The following TBC1D16 variants were observed in gnomAD, a reference collection of about 807,000 sequenced individuals.
TBC1D16 encodes the protein CTD-2529O21.1.
TBC1D16 carries 58 observed loss-of-function variants against 74.7 expected under a neutral mutation model. The ratio of observed to expected loss-of-function variants is 0.78; its 90% CI spans 0.63 to 0.97. TBC1D16 has a LOEUF of 0.97. TBC1D16 is among the 50% of genes least tolerant of loss of function. TBC1D16 has a pLI of 0.00. For missense variants in TBC1D16, 1,014 were observed against 1,079.5 expected (o/e 0.94, Z 0.85); for synonymous variants, 493 against 474.7 (o/e 1.04, Z -0.50).
rs1393809173 is a variant in TBC1D16 at position 79,937,508 on chromosome 17, TC to T, written c.*3350del. ...TGGAAACCTCCCCCTGCCTGGCACT[TC>T]GGCTGGTCAGGAACAGTGGCTGCTC... is the stretch of plus-strand genomic sequence containing the variant. On this transcript the variant is annotated 3_prime_UTR_variant, in exon 12 of 12. Transcript: ENST00000310924. 2 of 152,300 alleles carry T rather than the reference TC, an allele frequency of 1.3e-5. No homozygotes were observed. Among genetic ancestry groups the T allele is most frequent in the African/African-American group, 2.4e-5 (1 of 41,464 alleles). 9.4% of individuals were successfully genotyped at this position (152,300 alleles called of 1,614,324 possible). A position where few individuals can be genotyped will look rare whatever the true frequency, so the allele number is the denominator to read the frequency against.
In TBC1D16 at chr17:79,986,882, C is replaced by T. The variant is rs1372954346; in HGVS notation, c.779+23278G>A. 6.6e-6 allele frequency among the ~76,000 whole-genome samples: 1 copy of T among 152,252 alleles called. No individual in the cohort carries two copies. The highest frequency in any genetic ancestry group is 1.5e-5 in the Non-Finnish European group (1 of 68,044). On this transcript the variant is annotated intron_variant, in intron 3 of 11. Transcript: ENST00000310924. The surrounding 1 kb of genome is among the most constrained non-coding windows in gnomAD (Gnocchi z 6.0). ...GGGAGGGCGTGATGCATGGGAGGAG[C>T]TGGACTGCGGTCAGCCGTCCCCTCG...
At chr17:79,996,877 G>A (rs1183229862) in intron 3 of TBC1D16, among the ~76,000 whole-genome samples, 6 of 152,092 alleles carry the variant, frequency 3.9e-5, no homozygotes, top group African/African-American at 7.2e-5. Flanking sequence ...ATTCACAGTC[G>A]CCCCTGAATG....
rs1380810093 is a variant in TBC1D16 at position 79,987,972 on chromosome 17, T to A, written c.779+22188A>T. On this transcript the variant is annotated intron_variant, in intron 3 of 11. Transcript: ENST00000310924. This position sits in a 1 kb window ranked among gnomAD's most constrained non-coding sequence, Gnocchi z 5.2. Reference sequence around the variant, plus strand: ...GAGATTTCGAGGGAAGAATCCTAAATGTGGGGAAATGAGGTTGCCCAGCAA... The same window carrying A: ...GAGATTTCGAGGGAAGAATCCTAAAAGTGGGGAAATGAGGTTGCCCAGCAA... 6.6e-6 allele frequency among the ~76,000 whole-genome samples: 1 copy of A among 151,798 alleles called. No individual in the cohort carries two copies. Among genetic ancestry groups the A allele is most frequent in the African/African-American group, 2.4e-5 (1 of 41,280 alleles).
chr17:80,028,589 G>T (rs1225704134), intron 1 of TBC1D16, among the ~76,000 whole-genome samples: 3 of 151,114 alleles, frequency 2.0e-5, no homozygotes, highest in African/African-American at 7.3e-5. Context: ...CGTCAATGCT[G>T]ATTCTAAACC....
intron 3 of TBC1D16, among the ~76,000 whole-genome samples, chr17:79,978,760 G>T (rs971561676): frequency 2.0e-5 from 3 of 152,228 alleles, no homozygotes; most frequent in Admixed American, 6.5e-5. Flanking sequence ...AAGGGCTGGA[G>T]ACTCTGATGG....
In TBC1D16 at chr17:79,975,003, C is replaced by T. The variant is rs2034269933; in HGVS notation, c.780-22185G>A. On this transcript the variant is annotated intron_variant, in intron 3 of 11. Transcript: ENST00000310924. This position sits in a 1 kb window ranked among gnomAD's most constrained non-coding sequence, Gnocchi z 4.5. ...GTTGGGGCCACCCCCGCAGCCACTG[C>T]GCCCTCTATAGGTAAGAAGGCCCAA... Among the ~76,000 whole-genome samples, 2 of 152,190 alleles carry T rather than the reference C, an allele frequency of 1.3e-5. No individual in the cohort carries two copies. The highest frequency in any genetic ancestry group is 1.5e-5 in the Non-Finnish European group (1 of 68,034).
intron 1 of TBC1D16, among the ~76,000 whole-genome samples, chr17:80,022,914 C>T (rs147772006): frequency 0.025 from 3,726 of 150,174 alleles, 547 homozygotes; most frequent in African/African-American, 0.089. Flanking sequence ...GGATTACAGG[C>T]GTGAGCCACC....
At position 80,008,585 on chromosome 17, in the gene TBC1D16, G is replaced by T. The variant is rs1202269143; in HGVS notation, c.779+1575C>A. Among the ~76,000 whole-genome samples, 1 of 152,136 alleles carries T rather than the reference G, an allele frequency of 6.6e-6. No homozygotes were observed. Among genetic ancestry groups the T allele is most frequent in the Non-Finnish European group, 1.5e-5 (1 of 68,026 alleles). ...ACTGTTGGCCTGGCACCACCAGGGG[G>T]AGCTCCGACTGAGTCCGGCCTGCGG... On this transcript the variant is annotated intron_variant, in intron 3 of 11. Transcript: ENST00000310924. The surrounding 1 kb of genome is among the most constrained non-coding windows in gnomAD (Gnocchi z 4.5).
intron 3 of TBC1D16, among the ~76,000 whole-genome samples, chr17:79,999,653 CT>C (rs149587256): frequency 0.37 from 54,272 of 148,638 alleles, 11,080 homozygotes; most frequent in Admixed American, 0.52. Context: ...AGTGATTCTC[CT>C]GCCTCAGCCT....
chr17:79,950,812 G>A lies in TBC1D16; in HGVS notation c.1090-234C>T. 6.5e-7 allele frequency: 1 copy of A among 1,535,232 alleles called. No homozygotes were observed. The highest frequency in any genetic ancestry group is 1.2e-5 in the South Asian group (1 of 83,960). ...TCTCTCCTCCCCGGCCCACTGTGCC[G>A]CCGCCCCCCACTCTCTCCAACCCCA... On this transcript the variant is annotated intron_variant, in intron 5 of 11. Coordinates refer to ENST00000310924, the MANE Select transcript of TBC1D16 (RefSeq NM_019020.4). This position sits in a 1 kb window ranked among gnomAD's most constrained non-coding sequence, Gnocchi z 4.6.
In TBC1D16 at chr17:80,010,087, C is replaced by T. The variant is rs2035818632; in HGVS notation, c.779+73G>A. ...CGCTCACCTGGCATCACAGGTGACG[C>T]AGGTGAGTGCTTCCTGCCCAGGTCA... is the stretch of plus-strand genomic sequence containing the variant. On this transcript the variant is annotated intron_variant, in intron 3 of 11. Transcript: ENST00000310924. This position sits in a 1 kb window ranked among gnomAD's most constrained non-coding sequence, Gnocchi z 8.8. 20 of 1,268,702 alleles carry T rather than the reference C, an allele frequency of 1.6e-5. No individual in the cohort carries two copies. The highest frequency in any genetic ancestry group is 2.1e-5 in the Non-Finnish European group (19 of 921,380). 78.6% of individuals were successfully genotyped at this position (1,268,702 alleles called of 1,614,324 possible).
At chr17:79,943,933 G>A in intron 10 of TBC1D16, 1 of 1,461,246 alleles carries the variant, frequency 6.8e-7, no homozygotes, top group Middle Eastern at 2.1e-4. Context: ...GACCGTCCAT[G>A]CCGTGCTTCC....
rs1174199915 is a variant in TBC1D16 at position 80,008,130 on chromosome 17, A to C, written c.779+2030T>G. ...AAGAACCTGGAGGGACCTGGGCATC[A>C]GCGTCTAAAGGCTCCCCCAGGAACC... On this transcript the variant is annotated intron_variant, in intron 3 of 11. Coordinates refer to ENST00000310924, the MANE Select transcript of TBC1D16 (RefSeq NM_019020.4). This position sits in a 1 kb window ranked among gnomAD's most constrained non-coding sequence, Gnocchi z 4.5. Among the ~76,000 whole-genome samples the C allele has an allele frequency of 6.6e-6, 1 of 152,020 alleles. No individual in the cohort carries two copies. Among genetic ancestry groups the C allele is most frequent in the Non-Finnish European group, 1.5e-5 (1 of 68,000 alleles).
At chr17:80,032,950 C>T (rs75072716) in intron 1 of TBC1D16, among the ~76,000 whole-genome samples, 11,020 of 152,196 alleles carry the variant, frequency 0.072, 471 homozygotes, top group East Asian at 0.17. Context: ...GCAACCTGAT[C>T]AGCTCTGCTC....
At position 80,010,111 on chromosome 17, in the gene TBC1D16, C is replaced by A. The variant is rs1442907258; in HGVS notation, c.779+49G>T. ...GCAGGTGAGTGCTTCCTGCCCAGGTCAGGCCTTGGGGGCCTCCCGAGAGCC... is the reference window on the plus strand; with the variant it reads ...GCAGGTGAGTGCTTCCTGCCCAGGTAAGGCCTTGGGGGCCTCCCGAGAGCC... On this transcript the variant is annotated intron_variant, in intron 3 of 11. Coordinates refer to ENST00000310924, the MANE Select transcript of TBC1D16 (RefSeq NM_019020.4). This position sits in a 1 kb window ranked among gnomAD's most constrained non-coding sequence, Gnocchi z 8.8. 2 of 1,489,644 alleles carry A rather than the reference C, an allele frequency of 1.3e-6. No individual in the cohort carries two copies. The highest frequency in any genetic ancestry group is 4.6e-5 in the East Asian group (2 of 43,668). 92.3% of individuals were successfully genotyped at this position (1,489,644 alleles called of 1,614,324 possible).
In TBC1D16 at chr17:79,981,994, T is replaced by A. The variant is rs992276192; in HGVS notation, c.779+28166A>T. 6.6e-6 allele frequency among the ~76,000 whole-genome samples: 1 copy of A among 152,200 alleles called. No individual in the cohort carries two copies. Among genetic ancestry groups the A allele is most frequent in the African/African-American group, 2.4e-5 (1 of 41,450 alleles). ...TGTCAACATTGTGTTACGCCTGGAA[T>A]TTTTCAGTTACTATATCCAGGGCCT... is the stretch of plus-strand genomic sequence containing the variant. On this transcript the variant is annotated intron_variant, in intron 3 of 11. Coordinates refer to ENST00000310924, the MANE Select transcript of TBC1D16 (RefSeq NM_019020.4). The surrounding 1 kb of genome is among the most constrained non-coding windows in gnomAD (Gnocchi z 6.9).
chr17:79,952,678 C>A lies in TBC1D16; in HGVS notation c.920G>T (p.Arg307Leu), dbSNP rs748604939. The A allele has an allele frequency of 6.2e-7, 1 of 1,600,454 alleles. No individual in the cohort carries two copies. Among genetic ancestry groups the A allele is most frequent in the Admixed American group, 1.7e-5 (1 of 59,574 alleles). Reference sequence around the variant, plus strand: ...CTACCTGAAGAAAAGGCGGAGGGAGCGCATGTGGCCCAGGTCCACGCGGAA... The same window carrying A: ...CTACCTGAAGAAAAGGCGGAGGGAGAGCATGTGGCCCAGGTCCACGCGGAA... ...GVFRVDLGHM[R>L]SLRLFFSDEA... is the part of the protein sequence containing the mutation. Residue 307 changes from arginine (R) to leucine (L), a missense_variant, in exon 4 of 12, where the codon CGC becomes CTC. Physicochemically the swap from Arg to Leu is moderately radical, Grantham distance 102 (BLOSUM62 -2). Transcript: ENST00000310924.
chr17:79,949,266 C>T (rs1392175474), intron 7 of TBC1D16, among the ~76,000 whole-genome samples: 1 of 152,260 alleles, frequency 6.6e-6, no homozygotes, highest in Non-Finnish European at 1.5e-5. Context: ...GGTAATGAGG[C>T]CTTGGCCCTG....
intron 9 of TBC1D16, among the ~76,000 whole-genome samples, chr17:79,946,555 GTGT>G (rs2032557776): frequency 6.6e-6 from 1 of 152,188 alleles, no homozygotes; most frequent in Admixed American, 6.5e-5. Context: ...GTCACACTCT[GTGT>G]CCTGGGGTGG....
Sources: allele counts gnomAD v4.1 joint callset (sites outside exome capture counted in the v4.1 genomes callset), GRCh38; gene constraint gnomAD v4.1.1; non-coding constraint Gnocchi (gnomAD v3.1); transcripts MANE v1.5; gene names NCBI Gene and HGNC (gene_info 2026-07-23, HGNC 2026-07-21).